MRC2: variants seen among roughly 807,000 people sequenced by gnomAD.
MRC2 encodes the protein mannose receptor C-type 2, also known as C-type mannose receptor 2.
Under a neutral mutation model 206.2 loss-of-function variants are expected in MRC2, and 84 were observed. The observed-to-expected ratio is 0.41, with a 90% confidence interval of 0.34 to 0.49. The LOEUF (loss-of-function observed/expected upper bound fraction) is 0.49. MRC2 is among the 20% of genes least tolerant of loss of function. The pLI is 0.31. For missense variants in MRC2, 1,676 were observed against 2,001.5 expected (o/e 0.84, Z 3.10); for synonymous variants, 798 against 800.0 (o/e 1.00, Z 0.04).
rs2089066686 is a variant in MRC2 at position 62,688,955 on chromosome 17, G to T, written c.3329G>T (p.Gly1110Val). ...ACCCATGGCTTCATCTGCCAGAAGGGCACGGGTATGTGTCACCAGTCACCT... is the reference window on the plus strand; with the variant it reads ...ACCCATGGCTTCATCTGCCAGAAGGTCACGGGTATGTGTCACCAGTCACCT... ...EETHGFICQK[G>V]TDPSLSPSPA... Residue 1110 changes from glycine (G) to valine (V), a missense_variant, in exon 23 of 30, where the codon GGC becomes GTC. Coordinates refer to ENST00000303375, the MANE Select transcript of MRC2 (RefSeq NM_006039.5). 1.2e-6 allele frequency: 2 copies of T among 1,613,028 alleles called. No individual in the cohort carries two copies. Among genetic ancestry groups the T allele is most frequent in the Admixed American group, 3.3e-5 (2 of 59,948 alleles).
At chr17:62,636,410 A>C (rs1390944950) in intron 1 of MRC2, among the ~76,000 whole-genome samples, 3 of 150,394 alleles carry the variant, frequency 2.0e-5, no homozygotes, top group African/African-American at 7.3e-5. Flanking sequence ...TAATCTTCCC[A>C]ACCAAGATTC....
chr17:62,677,295 C>G lies in MRC2; in HGVS notation c.1861C>G (p.Leu621Val). Residue 621 changes from leucine to valine, a missense_variant, in exon 12 of 30, where the codon CTG becomes GTG. Coordinates refer to ENST00000303375, the MANE Select transcript of MRC2 (RefSeq NM_006039.5). ...GTACAGCCGTGGGGGCTGCGTGGCG[C>G]TGGCCACTGGCAGCGCCATGGGGCT... ...PGYSRGGCVA[L>V]ATGSAMGLWE... 2 of 1,604,456 alleles carry G rather than the reference C, an allele frequency of 1.2e-6. No homozygotes were observed. Among genetic ancestry groups the G allele is most frequent in the Non-Finnish European group, 1.7e-6 (2 of 1,176,180 alleles).
In MRC2 at chr17:62,666,222, C is replaced by G. The variant is rs766425647; in HGVS notation, c.649C>G (p.Gln217Glu). The change falls in exon 3 of 30, where the codon CAG becomes GAG. Residue 217 changes from glutamine (Q) to glutamate (E), a missense_variant. By Grantham distance (29) the Gln-to-Glu change is conservative (BLOSUM62 2). Coordinates refer to ENST00000303375, the MANE Select transcript of MRC2 (RefSeq NM_006039.5). The surrounding 1 kb of genome is among the most constrained non-coding windows in gnomAD (Gnocchi z 5.0). ...EDGHLWCATT[Q>E]DYGKDERWGF... ...TGGTCACCTGTGGTGTGCCACCACC[C>G]AGGACTACGGCAAAGACGAGCGCTG... 2 of 1,602,362 alleles carry G rather than the reference C, an allele frequency of 1.2e-6. No homozygotes were observed. Among genetic ancestry groups the G allele is most frequent in the Non-Finnish European group, 1.7e-6 (2 of 1,174,758 alleles).
rs1331938996 is a variant in MRC2, at chr17:62,664,126, A to AT, written c.119-416dup. Among the ~76,000 whole-genome samples the AT allele has an allele frequency of 3.3e-5, 5 of 151,306 alleles. No individual in the cohort carries two copies. The highest frequency in any genetic ancestry group is 7.4e-5 in the Non-Finnish European group (5 of 67,800). On this transcript the variant is annotated intron_variant, in intron 1 of 29. Coordinates refer to ENST00000303375, the MANE Select transcript of MRC2 (RefSeq NM_006039.5). This position sits in a 1 kb window ranked among gnomAD's most constrained non-coding sequence, Gnocchi z 4.7. ...AGGCGCCCGCCACTACGCCCGGCTA[A>AT]TTTTTTGTATTTTTAGTAGAGACGG...
intron 1 of MRC2, among the ~76,000 whole-genome samples, chr17:62,644,598 T>A (rs1044056097): frequency 6.6e-6 from 1 of 152,074 alleles, no homozygotes; most frequent in South Asian, 2.1e-4. Context: ...GCAGCGGGCA[T>A]CTTTTGCTTG....
At chr17:62,673,001 A>AT (rs1555678718) in intron 8 of MRC2, among the ~76,000 whole-genome samples, 4 of 150,574 alleles carry the variant, frequency 2.7e-5, no homozygotes, top group South Asian at 2.1e-4. Context: ...CAAAAAAAAA[A>AT]AAATAAAATA....
rs763016698 is a variant in MRC2 at position 62,682,354 on chromosome 17, G to A, written c.2923G>A (p.Asp975Asn). Residue 975 changes from aspartate to asparagine, a missense_variant, in exon 20 of 30, where the codon GAC becomes AAC. Physicochemically the swap from Asp to Asn is conservative, Grantham distance 23 (BLOSUM62 1). This residue lies in a region of MRC2 where 1,354 missense variants were observed against 1,636.6 expected (regional missense o/e 0.83). Transcript: ENST00000303375. ...TACAGCCCTGGGGGGCTGCCCCTCT[G>A]ACTGGATCCAGTTCCTCAACAAGGT... ...PTTALGGCPS[D>N]WIQFLNKCFQ... 6.2e-7 allele frequency: 1 copy of A among 1,607,260 alleles called. No individual in the cohort carries two copies. Among genetic ancestry groups the A allele is most frequent in the South Asian group, 1.1e-5 (1 of 89,876 alleles).
In MRC2 at chr17:62,664,798, T is replaced by C. The variant is rs777897676; in HGVS notation, c.369T>C (p.Cys123=). 7 of 1,613,930 alleles carry C rather than the reference T, an allele frequency of 4.3e-6. No individual in the cohort carries two copies. The South Asian group carries it at 7.7e-5, about 18-fold the overall frequency. ...DREALNLRWH[C]RTLGDQLSLL... The stretch of plus-strand genomic sequence containing the variant: ...AAGCACTGAATCTTCGCTGGCATTG[T>C]CGTACACTGGGTGACCAGCTGTCCT... Residue 123 remains cysteine, a synonymous_variant, in exon 2 of 30, where the codon TGT becomes TGC. Transcript: ENST00000303375. The surrounding 1 kb of genome is among the most constrained non-coding windows in gnomAD (Gnocchi z 4.7).
intron 20 of MRC2, 55 bp downstream of exon 20, chr17:62,682,432 G>A (rs2088980359): frequency 7.1e-6 from 11 of 1,551,226 alleles, no homozygotes; most frequent in Non-Finnish European, 8.7e-6. Flanking sequence ...CGTGAACAGG[G>A]AAAGGCTGAG....
At chr17:62,634,660 C>T (rs2088289995) in intron 1 of MRC2, among the ~76,000 whole-genome samples, 1 of 151,952 alleles carries the variant, frequency 6.6e-6, no homozygotes, top group East Asian at 1.9e-4. Context: ...ATACTGCGTG[C>T]TGTTTTTTCA....
chr17:62,629,771 G>A lies in MRC2; in HGVS notation c.118+1851G>A, dbSNP rs117991909. ...TACCTGGTGAATTACGTTGTTGTTG[G>A]GAGGAATTCACCAGCACCAGAGACC... On this transcript the variant is annotated intron_variant, in intron 1 of 29. Transcript: ENST00000303375. 4.4e-3 allele frequency among the ~76,000 whole-genome samples: 674 copies of A among 152,338 alleles called. 2 individuals are homozygous for A. Among genetic ancestry groups the A allele is most frequent in the Non-Finnish European group, 7.9e-3 (540 of 68,034 alleles).
At chr17:62,673,156 T>C (rs908672876) in intron 8 of MRC2, among the ~76,000 whole-genome samples, 1 of 152,230 alleles carries the variant, frequency 6.6e-6, no homozygotes, top group Non-Finnish European at 1.5e-5. Flanking sequence ...AAAACAATTA[T>C]GTATTGAGTA....
Position 62,640,685 on chromosome 17 carries a change from AT to A in MRC2, c.118+12782del, listed in dbSNP as rs869295016. Among the ~76,000 whole-genome samples the A allele has an allele frequency of 3.2e-3, 432 of 135,074 alleles. 2 individuals are homozygous for A. The highest frequency in any genetic ancestry group is 0.01 in the South Asian group (42 of 4,150). 88.6% of individuals were successfully genotyped at this position (135,074 alleles called of 152,430 possible). On this transcript the variant is annotated intron_variant, in intron 1 of 29. Coordinates refer to ENST00000303375, the MANE Select transcript of MRC2 (RefSeq NM_006039.5). ...CACCACCACCACTGGCTAATATTTA[AT>A]TTTTTTTTTTTTTTTTGAGACAGAG...
At chr17:62,649,536 A>T (rs1361581961) in intron 1 of MRC2, among the ~76,000 whole-genome samples, 1 of 152,178 alleles carries the variant, frequency 6.6e-6, no homozygotes, top group African/African-American at 2.4e-5. Flanking sequence ...GGCTGCAGTG[A>T]GCCAAGATTT....
chr17:62,636,310 A>G (rs2088318025), intron 1 of MRC2, among the ~76,000 whole-genome samples: 1 of 151,792 alleles, frequency 6.6e-6, no homozygotes. Flanking sequence ...ATACACAAGT[A>G]AGTGCAAAAA....
At chr17:62,679,490 C>T (rs1004410817) in intron 13 of MRC2, 2 of 213,044 alleles carry the variant, frequency 9.4e-6, no homozygotes, top group African/African-American at 4.6e-5. Context: ...TCCTAAACTC[C>T]GTAAAGTAAA....
rs1287426022 is a variant in MRC2 at position 62,652,767 on chromosome 17, T to TG, written c.119-11774dup. 6.0e-3 allele frequency among the ~76,000 whole-genome samples: 295 copies of TG among 48,976 alleles called. No individual in the cohort carries two copies. Among genetic ancestry groups the TG allele is most frequent in the African/African-American group, 0.011 (137 of 12,462 alleles). The allele number at this position is 48,976 out of a possible 152,430, so 32.1% of individuals were successfully genotyped here. A position where few individuals can be genotyped will look rare whatever the true frequency, so the allele number is the denominator to read the frequency against. On this transcript the variant is annotated intron_variant, in intron 1 of 29. Coordinates refer to ENST00000303375, the MANE Select transcript of MRC2 (RefSeq NM_006039.5). The surrounding 1 kb of genome is among the most constrained non-coding windows in gnomAD (Gnocchi z 4.6). ...CGGTGACAGAGGAAGTGGCGCCGCT[T>TG]GGGGGGGTGCACGATGGCAGGGGGA...
intron 1 of MRC2, among the ~76,000 whole-genome samples, chr17:62,632,256 C>G (rs1333581141): frequency 1.3e-5 from 2 of 152,030 alleles, no homozygotes; most frequent in East Asian, 1.9e-4. Context: ...TTGGGTCGAC[C>G]CCCTCAACTG....
intron 1 of MRC2, among the ~76,000 whole-genome samples, chr17:62,628,410 C>T (rs979645929): frequency 6.6e-6 from 1 of 152,170 alleles, no homozygotes; most frequent in African/African-American, 2.4e-5. Flanking sequence ...CCACCTTCCC[C>T]CCGCCCCCTG....
Sources: allele counts gnomAD v4.1 joint callset (sites outside exome capture counted in the v4.1 genomes callset), GRCh38; gene constraint gnomAD v4.1.1; regional missense constraint gnomAD v4.1.1; non-coding constraint Gnocchi (gnomAD v3.1); transcripts MANE v1.5; gene names NCBI Gene and HGNC (gene_info 2026-07-23, HGNC 2026-07-21).